Variants in RARB observed in about 807,000 individuals in gnomAD.
RARB encodes retinoic acid receptor beta.
Under a neutral mutation model 51.9 loss-of-function variants are expected in RARB, and 17 were observed. The ratio of observed to expected loss-of-function variants is 0.33; its 90% confidence interval spans 0.22 to 0.49. The LOEUF (loss-of-function observed/expected upper bound fraction) is 0.49. RARB is among the 20% of genes least tolerant of loss of function. The pLI is 0.99. For synonymous variants in RARB, 215 were observed against 195.4 expected, an observed-to-expected ratio of 1.10 and a Z score of -0.84; for missense variants, 369 against 550.8, an observed-to-expected ratio of 0.67 and a Z score of 3.30.
intron 5 of RARB, among the ~76,000 whole-genome samples, chr3:25,192,112 A>G (rs939760316): frequency 3.3e-5 from 5 of 152,140 alleles, no homozygotes; most frequent in Non-Finnish European, 7.4e-5. Context: ...ATCTTGTAGG[A>G]CATGAAGGTA....
chr3:25,015,526 G>T (rs979003211), intron 2 of RARB, among the ~76,000 whole-genome samples: 1 of 152,126 alleles, frequency 6.6e-6, no homozygotes, highest in Non-Finnish European at 1.5e-5. Context: ...CAGGCATAAT[G>T]GGAAACTTCT....
At chr3:25,021,828 A>T (rs539936934) in intron 2 of RARB, among the ~76,000 whole-genome samples, 7 of 152,318 alleles carry the variant, frequency 4.6e-5, no homozygotes, top group African/African-American at 1.7e-4. Flanking sequence ...CTGGTCTTAC[A>T]AAATGAGTTT....
chr3:25,535,561 G>T (rs1559455736), intron 3 of RARB, among the ~76,000 whole-genome samples: 2 of 151,876 alleles, frequency 1.3e-5, no homozygotes, highest in African/African-American at 4.8e-5. Flanking sequence ...CCATCCTCTA[G>T]CCCCCCAGCC....
At chr3:25,515,462 C>T (rs1421519452) in intron 3 of RARB, among the ~76,000 whole-genome samples, 1 of 152,114 alleles carries the variant, frequency 6.6e-6, no homozygotes, top group Non-Finnish European at 1.5e-5. Context: ...CCCAAAGACA[C>T]ATACAAGAAT....
At chr3:25,244,838 C>G (rs1407909121) in intron 5 of RARB, among the ~76,000 whole-genome samples, 1 of 152,114 alleles carries the variant, frequency 6.6e-6, no homozygotes, top group Non-Finnish European at 1.5e-5. Context: ...CTTCTTGGTC[C>G]AGAGCTGAGT....
intron 4 of RARB, among the ~76,000 whole-genome samples, chr3:25,156,044 T>C (rs1700368227): frequency 6.6e-6 from 1 of 152,212 alleles, no homozygotes; most frequent in African/African-American, 2.4e-5. Context: ...CCTGGCAATT[T>C]TTCGACTTGT....
rs76797425 is a variant in RARB at position 25,246,184 on chromosome 3, C to T, written c.178+71609C>T. ...TCAGCTCCATCAGGTCATGTATGTT[C>T]TTCTCTAAACTAGTTATTCCAGTTA... On this transcript the variant is annotated intron_variant, in intron 5 of 11. Coordinates refer to the RARB transcript ENST00000383772. 6.2e-3 allele frequency among the ~76,000 whole-genome samples: 947 copies of T among 152,136 alleles called. 46 individuals are homozygous for T. In the East Asian group the frequency reaches 0.15, roughly 23 times the overall value.
intron 2 of RARB, among the ~76,000 whole-genome samples, chr3:24,951,656 C>T (rs936970427): frequency 1.3e-5 from 2 of 152,084 alleles, no homozygotes; most frequent in African/African-American, 4.8e-5. Context: ...AACACTAGTC[C>T]AAAAGGATGT....
At chr3:25,153,763 T>G (rs1700331248) in intron 4 of RARB, among the ~76,000 whole-genome samples, 1 of 152,316 alleles carries the variant, frequency 6.6e-6, no homozygotes, top group South Asian at 2.1e-4. Context: ...ATGAGATAAC[T>G]TGCCCAGCCC....
At chr3:25,539,634 A>T (rs1699293451) in intron 3 of RARB, among the ~76,000 whole-genome samples, 2 of 131,102 alleles carry the variant, frequency 1.5e-5, no homozygotes, top group South Asian at 4.6e-4. Flanking sequence ...CACTCTCTAC[A>T]TTCTCTTTAG....
intron 4 of RARB, among the ~76,000 whole-genome samples, chr3:25,148,240 G>A (rs894160633): frequency 2.1e-5 from 3 of 142,182 alleles, no homozygotes; most frequent in Non-Finnish European, 4.7e-5. Context: ...GCATTTTGCT[G>A]GCAGGTCTAA....
chr3:25,094,874 T>C (rs79161528), intron 3 of RARB, among the ~76,000 whole-genome samples: 4,365 of 152,266 alleles, frequency 0.029, 79 homozygotes, highest in South Asian at 0.07. Flanking sequence ...ATGTCTTACA[T>C]CTTTAGTCTG....
intron 2 of RARB, among the ~76,000 whole-genome samples, chr3:25,035,475 G>A (rs1017673897): frequency 1.4e-5 from 2 of 138,572 alleles, no homozygotes; most frequent in Middle Eastern, 4.4e-3. Context: ...CCATCATGTG[G>A]ATAAAAAAAC....
At chr3:24,957,849 A>C (rs1437009117) in intron 2 of RARB, among the ~76,000 whole-genome samples, 2 of 152,222 alleles carry the variant, frequency 1.3e-5, no homozygotes, top group Non-Finnish European at 2.9e-5. Context: ...CTCCAGTATA[A>C]TCACAGCAGT....
At chr3:25,057,806 GA>G (rs1439728142) in intron 2 of RARB, among the ~76,000 whole-genome samples, 1 of 151,788 alleles carries the variant, frequency 6.6e-6, no homozygotes, top group African/African-American at 2.4e-5. Flanking sequence ...AAAATAAATT[GA>G]ATTTTTTTTT....
chr3:25,327,905 A>C, intron 5 of RARB, among the ~76,000 whole-genome samples: 1 of 152,248 alleles, frequency 6.6e-6, no homozygotes, highest in East Asian at 1.9e-4. Flanking sequence ...GTTTAAAAAG[A>C]GAAGCAACTA....
chr3:25,322,009 A>C (rs1704585230), intron 5 of RARB, among the ~76,000 whole-genome samples: 1 of 151,524 alleles, frequency 6.6e-6, no homozygotes, highest in Non-Finnish European at 1.5e-5. Context: ...ATGTTTGTAG[A>C]AAAAAAAAGA....
At chr3:25,171,712 T>A (rs1700651644) in intron 4 of RARB, among the ~76,000 whole-genome samples, 1 of 147,974 alleles carries the variant, frequency 6.8e-6, no homozygotes, top group Non-Finnish European at 1.5e-5. Context: ...TGCTGAACTG[T>A]CAGCTCCACC....
chr3:25,382,342 C>T (rs1706652632), intron 5 of RARB, among the ~76,000 whole-genome samples: 2 of 152,180 alleles, frequency 1.3e-5, no homozygotes, highest in Admixed American at 6.5e-5. Flanking sequence ...TGTTTACAAA[C>T]TTTCAAAGTT....
Sources: gnomAD v4.1 joint callset for allele counts (sites outside exome capture counted in the v4.1 genomes callset) on GRCh38, gnomAD v4.1.1 for gene constraint, MANE v1.5 for transcripts, NCBI Gene and HGNC (gene_info 2026-07-23, HGNC 2026-07-21) for gene names.